Variants in SASH1 observed in about 807,000 individuals in gnomAD.
SASH1 encodes SAM and SH3 domain containing 1, also known as SAM and SH3 domain-containing protein 1.
SASH1 carries 44 observed loss-of-function variants against 125.2 expected under a neutral mutation model. That is an observed-to-expected ratio of 0.35 (90% confidence interval 0.28 to 0.45). The LOEUF (loss-of-function observed/expected upper bound fraction) is 0.45. SASH1 is among the 20% of genes least tolerant of loss of function. SASH1 has a pLI of 1.00. For missense variants in SASH1, 1,426 were observed against 1,614.5 expected (o/e 0.88, Z 2.00); for synonymous variants, 639 against 649.1 (o/e 0.98, Z 0.24).
intron 10 of SASH1, among the ~76,000 whole-genome samples, chr6:148,522,536 C>A (rs1017692974): frequency 2.0e-5 from 3 of 152,194 alleles, no homozygotes; most frequent in Admixed American, 1.3e-4. Flanking sequence ...TTTGTATCCA[C>A]TGGAAGTGGT....
At chr6:148,224,419 G>C in the SASH1 span, among the ~76,000 whole-genome samples, 1 of 151,844 alleles carries the variant, frequency 6.6e-6, no homozygotes, top group Admixed American at 6.6e-5. Context: ...GGAGTGCAGT[G>C]GTGCGATCTT....
At chr6:148,480,556 C>G (rs187522750) in intron 7 of SASH1, 1 of 152,092 alleles carries the variant, frequency 6.6e-6, no homozygotes, top group South Asian at 2.1e-4. Flanking sequence ...CAGGACATCT[C>G]AACAGGAGAG....
the SASH1 span, among the ~76,000 whole-genome samples, chr6:148,265,317 A>AAAGGAGGGAGGG: frequency 1.5e-3 from 219 of 149,124 alleles, no homozygotes; most frequent in African/African-American, 4.7e-3. Flanking sequence ...CAAGAAAGAA[A>AAAGGAGGGAGGG]AAGGAGGGAG....
intron 1 of SASH1, among the ~76,000 whole-genome samples, chr6:148,290,480 G>C (rs2128508571): frequency 6.6e-6 from 1 of 151,858 alleles, no homozygotes; most frequent in East Asian, 2.0e-4. Context: ...GTGGCAGGCG[G>C]CTGTAGTCCC....
upstream of SASH1, among the ~76,000 whole-genome samples, chr6:148,338,148 T>C (rs1781216460): frequency 6.6e-6 from 1 of 152,118 alleles, no homozygotes; most frequent in South Asian, 2.1e-4. Context: ...TTGGGTCTGG[T>C]GCAGTGGCTC....
intron 1 of SASH1, among the ~76,000 whole-genome samples, chr6:148,290,214 G>A (rs919206474): frequency 2.0e-5 from 3 of 151,448 alleles, no homozygotes; most frequent in Admixed American, 6.6e-5. Context: ...AGTTTTTCTC[G>A]GTGATTACAA....
chr6:148,209,664 G>A, the SASH1 span, among the ~76,000 whole-genome samples: 1 of 152,134 alleles, frequency 6.6e-6, no homozygotes, highest in South Asian at 2.1e-4. Flanking sequence ...AACAGATTTT[G>A]TATCCAGCAT....
chr6:148,453,331 A>T (rs1203973829), intron 4 of SASH1, among the ~76,000 whole-genome samples: 1 of 152,174 alleles, frequency 6.6e-6, no homozygotes, highest in East Asian at 1.9e-4. Flanking sequence ...TGATGGTGGG[A>T]GGCTATCAGT....
chr6:148,539,053 A>T (rs1183675477), intron 16 of SASH1, among the ~76,000 whole-genome samples: 1 of 147,792 alleles, frequency 6.8e-6, no homozygotes, highest in Non-Finnish European at 1.5e-5. Context: ...CACGTGATTT[A>T]CTTGGGGCAG....
chr6:148,491,292 C>T (rs560520296), intron 8 of SASH1, among the ~76,000 whole-genome samples: 9 of 152,228 alleles, frequency 5.9e-5, no homozygotes, highest in African/African-American at 1.2e-4. Flanking sequence ...GTTGTTGAGA[C>T]GGAGTCTCAC....
At chr6:148,486,883 C>T (rs1331404771) in intron 7 of SASH1, among the ~76,000 whole-genome samples, 1 of 135,412 alleles carries the variant, frequency 7.4e-6, no homozygotes, top group Non-Finnish European at 1.6e-5. Flanking sequence ...GATTGCACCA[C>T]TGCATTGTAG....
At chr6:148,221,305 A>G in the SASH1 span, among the ~76,000 whole-genome samples, 3 of 152,254 alleles carry the variant, frequency 2.0e-5, no homozygotes, top group African/African-American at 7.2e-5. Flanking sequence ...TAAACCTCAA[A>G]ATAAAATTTT....
At chr6:148,377,474 G>A (rs1345874018) in intron 1 of SASH1, among the ~76,000 whole-genome samples, 1 of 152,134 alleles carries the variant, frequency 6.6e-6, no homozygotes, top group African/African-American at 2.4e-5. Context: ...TTTGGTGTGG[G>A]AAATATCTTT....
the SASH1 span, among the ~76,000 whole-genome samples, chr6:148,230,229 C>T: frequency 6.6e-6 from 1 of 152,198 alleles, no homozygotes; most frequent in African/African-American, 2.4e-5. Context: ...ATTTTCTATC[C>T]TGTGTCAGTG....
At chr6:148,326,356 ATG>A (rs1562326251) in intron 1 of SASH1, among the ~76,000 whole-genome samples, 13 of 75,086 alleles carry the variant, frequency 1.7e-4, no homozygotes, top group East Asian at 5.3e-4. Flanking sequence ...ATATATATAT[ATG>A]CATATATATA....
chr6:148,194,599 C>T, the SASH1 span, among the ~76,000 whole-genome samples: 1 of 152,154 alleles, frequency 6.6e-6, no homozygotes, highest in Non-Finnish European at 1.5e-5. Context: ...CTAAAGTAGT[C>T]ACTTCTATTC....
upstream of SASH1, among the ~76,000 whole-genome samples, chr6:148,338,172 C>T (rs1183635008): frequency 6.6e-6 from 1 of 152,156 alleles, no homozygotes; most frequent in Non-Finnish European, 1.5e-5. Flanking sequence ...CCTGTAATCC[C>T]ACCACTTTGG....
chr6:148,467,006 G>A (rs767405043), intron 4 of SASH1, among the ~76,000 whole-genome samples: 24 of 149,082 alleles, frequency 1.6e-4, no homozygotes, highest in Non-Finnish European at 4.4e-5. Context: ...TTGGCTGTAA[G>A]CCCAAGGATA....
chr6:148,246,977 G>A, the SASH1 span, among the ~76,000 whole-genome samples: 2 of 152,098 alleles, frequency 1.3e-5, no homozygotes. Context: ...AATCTAGTGG[G>A]GAGACAAATA....
Sources: allele counts gnomAD v4.1 joint callset (sites outside exome capture counted in the v4.1 genomes callset), GRCh38; gene constraint gnomAD v4.1.1; transcripts MANE v1.5; gene names NCBI Gene and HGNC (gene_info 2026-07-23, HGNC 2026-07-21).